The following OSBPL1A variants were observed in gnomAD, a reference collection of about 807,000 sequenced individuals.
OSBPL1A encodes the protein oxysterol binding protein like 1A, also known as oxysterol-binding protein-related protein 1.
Under a neutral mutation model 137.1 loss-of-function variants are expected in OSBPL1A, and 80 were observed. The ratio of observed to expected loss-of-function variants is 0.58; its 90% CI spans 0.49 to 0.70. The LOEUF (loss-of-function observed/expected upper bound fraction) is 0.70. Ranked by LOEUF, OSBPL1A falls within the 30% of genes least tolerant of loss-of-function variation. The pLI, the probability that OSBPL1A is intolerant of heterozygous loss-of-function variation, is 0.00. For synonymous variants in OSBPL1A, 365 were observed against 389.7 expected, an observed-to-expected ratio of 0.94 and a Z score of 0.75; for missense variants, 970 against 1,129.4, an observed-to-expected ratio of 0.86 and a Z score of 2.02.
intron 11 of OSBPL1A, among the ~76,000 whole-genome samples, chr18:24,315,559 AATATT>A: frequency 7.2e-6 from 1 of 138,774 alleles, no homozygotes; most frequent in Admixed American, 7.9e-5. Context: ...TAATATTAAT[AATATT>A]ATGATTATTA....
At chr18:24,233,701 T>A (rs1030154151) in intron 16 of OSBPL1A, among the ~76,000 whole-genome samples, 1 of 152,074 alleles carries the variant, frequency 6.6e-6, no homozygotes, top group African/African-American at 2.4e-5. Flanking sequence ...CAGGATGGAG[T>A]GCAATGGCGC....
intron 1 of OSBPL1A, among the ~76,000 whole-genome samples, chr18:24,388,865 C>T (rs623957): frequency 0.18 from 27,837 of 150,790 alleles, 4,090 homozygotes; most frequent in East Asian, 0.45. Flanking sequence ...AACACCCCCC[C>T]ACAGATTGAG....
chr18:24,185,048 T>C (rs1488039739), intron 18 of OSBPL1A, among the ~76,000 whole-genome samples: 1 of 152,192 alleles, frequency 6.6e-6, no homozygotes. Context: ...GAAACTTAGA[T>C]GCCTATTACT....
intron 25 of OSBPL1A, among the ~76,000 whole-genome samples, 167 bp from the exon 26 acceptor site, chr18:24,166,869 G>A (rs1449072039): frequency 6.6e-6 from 1 of 152,082 alleles, no homozygotes; most frequent in Non-Finnish European, 1.5e-5. Context: ...ACCAAAATCT[G>A]CACCATCTGT....
chr18:24,331,961 G>T (rs1314260169), intron 7 of OSBPL1A, among the ~76,000 whole-genome samples: 1 of 152,150 alleles, frequency 6.6e-6, no homozygotes, highest in East Asian at 1.9e-4. Context: ...AGAAGGTGAT[G>T]CCTGGCCTTC....
At chr18:24,173,632 C>T (rs1394676511) in intron 21 of OSBPL1A, among the ~76,000 whole-genome samples, 3 of 152,172 alleles carry the variant, frequency 2.0e-5, no homozygotes, top group Admixed American at 6.5e-5. Context: ...AGGCTGGTCT[C>T]GAACTCCTGA....
intron 1 of OSBPL1A, among the ~76,000 whole-genome samples, chr18:24,381,943 A>T (rs1162133913): frequency 2.6e-5 from 4 of 152,012 alleles, no homozygotes; most frequent in Admixed American, 2.6e-4. Context: ...ACTGGGCAAC[A>T]GAGGGAGACT....
At chr18:24,212,671 C>T (rs1186325321) in intron 17 of OSBPL1A, among the ~76,000 whole-genome samples, 1 of 152,218 alleles carries the variant, frequency 6.6e-6, no homozygotes, top group Non-Finnish European at 1.5e-5. Flanking sequence ...AATGTTTGCC[C>T]TCCAAAGGTG....
chr18:24,243,789 G>C (rs541227838), intron 15 of OSBPL1A, among the ~76,000 whole-genome samples: 1 of 152,286 alleles, frequency 6.6e-6, no homozygotes, highest in African/African-American at 2.4e-5. Context: ...AAGCCTAACA[G>C]GATTTTCTGC....
chr18:24,358,694 T>G (rs7227401), intron 4 of OSBPL1A, among the ~76,000 whole-genome samples: 104,587 of 152,046 alleles, frequency 0.69, 36,791 homozygotes, highest in East Asian at 0.84. Flanking sequence ...TTAGGTGAGA[T>G]AGAGAGAATT....
At chr18:24,234,266 C>G (rs1304802258) in intron 16 of OSBPL1A, among the ~76,000 whole-genome samples, 3 of 152,144 alleles carry the variant, frequency 2.0e-5, no homozygotes, top group Non-Finnish European at 2.9e-5. Flanking sequence ...TAGCCCTTTT[C>G]CCAGGAAGTG....
chr18:24,332,910 T>C (rs895994670), intron 7 of OSBPL1A, 32 bp downstream of exon 7: 3 of 1,603,188 alleles, frequency 1.9e-6, no homozygotes, highest in Non-Finnish European at 2.6e-6. Context: ...AATTTCAAAA[T>C]GGCCAACGAT....
intron 14 of OSBPL1A, among the ~76,000 whole-genome samples, chr18:24,298,644 C>T (rs558063674): frequency 4.6e-4 from 70 of 152,326 alleles, no homozygotes; most frequent in African/African-American, 1.1e-3. Context: ...CGCGCCTGGC[C>T]GCCCTGAAAT....
intron 4 of OSBPL1A, 68 bp downstream of exon 4, chr18:24,366,824 G>A (rs1040618606): frequency 6.7e-7 from 1 of 1,481,688 alleles, no homozygotes; most frequent in Non-Finnish European, 9.3e-7. Context: ...GGTTATAACA[G>A]AGAAAACAAT....
intron 16 of OSBPL1A, among the ~76,000 whole-genome samples, chr18:24,233,937 G>A (rs2088361101): frequency 6.6e-6 from 1 of 152,184 alleles, no homozygotes; most frequent in Non-Finnish European, 1.5e-5. Context: ...ACAGGTGTGA[G>A]CCTCTGCGGG....
chr18:24,187,943 C>A (rs944713296), intron 18 of OSBPL1A, among the ~76,000 whole-genome samples: 2 of 152,212 alleles, frequency 1.3e-5, no homozygotes, highest in African/African-American at 4.8e-5. Context: ...ATTTCTGGCT[C>A]AGCTCCCTTC....
rs375112757 is a variant in OSBPL1A, at chr18:24,170,307, C to T, written c.2418+20G>A. On this transcript the variant is annotated intron_variant, in intron 24 of 27. Transcript: ENST00000319481. The stretch of plus-strand genomic sequence containing the variant: ...GAAGAATCCAGTTATTCCTTCGATA[C>T]CACCTTACAGGATGTTCACCTGTTT... 4.7e-5 allele frequency: 76 copies of T among 1,613,578 alleles called. No homozygotes were observed. Among genetic ancestry groups the T allele is most frequent in the Non-Finnish European group, 6.0e-5 (71 of 1,179,868 alleles).
At chr18:24,325,382 C>T (rs1341319684) in intron 7 of OSBPL1A, among the ~76,000 whole-genome samples, 1 of 152,276 alleles carries the variant, frequency 6.6e-6, no homozygotes, top group Non-Finnish European at 1.5e-5. Context: ...TCTGGGCACA[C>T]TGGCAGTTTT....
chr18:24,267,567 G>C (rs2089609044), intron 15 of OSBPL1A, among the ~76,000 whole-genome samples: 1 of 152,078 alleles, frequency 6.6e-6, no homozygotes, highest in African/African-American at 2.4e-5. Context: ...CAATGTTAAA[G>C]ATAATACATC....
Sources: allele counts gnomAD v4.1 joint callset (sites outside exome capture counted in the v4.1 genomes callset), GRCh38; gene constraint gnomAD v4.1.1; transcripts MANE v1.5; gene names NCBI Gene and HGNC (gene_info 2026-07-23, HGNC 2026-07-21).